The following TBC1D22A variants were observed in gnomAD, a reference collection of about 807,000 sequenced individuals.
TBC1D22A encodes the protein putative GTPase activator.
TBC1D22A carries 38 observed loss-of-function variants against 60.2 expected under a neutral mutation model. That is an observed-to-expected ratio of 0.63 (90% CI 0.49 to 0.83). The LOEUF (loss-of-function observed/expected upper bound fraction) is 0.83. Ranked by LOEUF, TBC1D22A falls within the 40% of genes least tolerant of loss-of-function variation. The pLI, the probability that TBC1D22A is intolerant of heterozygous loss-of-function variation, is 0.00. For missense variants in TBC1D22A, 628 were observed against 701.0 expected, an observed-to-expected ratio of 0.90 and a Z score of 1.18; for synonymous variants, 302 against 281.7, an observed-to-expected ratio of 1.07 and a Z score of -0.72.
intron 2 of TBC1D22A, 46 bp from the exon 3 acceptor site, chr22:46,793,455 T>C (rs1472974367): frequency 4.4e-6 from 7 of 1,597,486 alleles, no homozygotes; most frequent in South Asian, 1.1e-5. Flanking sequence ...TGGTTTTGGG[T>C]GAAGCCTTCG....
chr22:46,848,967 C>T (rs957014279), intron 4 of TBC1D22A, among the ~76,000 whole-genome samples: 2 of 151,994 alleles, frequency 1.3e-5, no homozygotes, highest in African/African-American at 4.8e-5. Context: ...TGCACCCTCT[C>T]CTCCCTGTCC....
At chr22:47,119,025 T>C (rs2066175120) in intron 12 of TBC1D22A, among the ~76,000 whole-genome samples, 1 of 152,134 alleles carries the variant, frequency 6.6e-6, no homozygotes, top group Non-Finnish European at 1.5e-5. Flanking sequence ...GGCGCATGCC[T>C]GTAATCCCAG....
intron 4 of TBC1D22A, among the ~76,000 whole-genome samples, chr22:46,873,828 C>G (rs573824284): frequency 1.0e-3 from 156 of 151,182 alleles, no homozygotes; most frequent in Non-Finnish European, 1.6e-3. Context: ...GAGTCTCGCT[C>G]TGTCACCAAG....
rs542838378 is a variant in TBC1D22A at position 47,009,836 on chromosome 22, C to T, written c.1201+12127C>T. On this transcript the variant is annotated intron_variant, in intron 10 of 12. Coordinates refer to ENST00000337137, the MANE Select transcript of TBC1D22A (RefSeq NM_014346.5). This position sits in a 1 kb window ranked among gnomAD's most constrained non-coding sequence, Gnocchi z 5.8. ...GGCCTCTGCTTCTCCCACGTTGGAC[C>T]TTGTTGAGCTGCCAAGGGCCCTGTC... 3.0e-4 allele frequency among the ~76,000 whole-genome samples: 46 copies of T among 152,352 alleles called. 1 individual carries two copies. The highest frequency in any genetic ancestry group is 1.1e-3 in the African/African-American group (45 of 41,580).
chr22:47,020,403 T>C (rs6009104), intron 10 of TBC1D22A, among the ~76,000 whole-genome samples: 62,470 of 151,826 alleles, frequency 0.41, 14,788 homozygotes, highest in African/African-American at 0.66. Context: ...TAGACTTGGG[T>C]TGCATCAGCA....
At chr22:47,061,742 G>A (rs112556527) in intron 11 of TBC1D22A, among the ~76,000 whole-genome samples, 25 of 152,172 alleles carry the variant, frequency 1.6e-4, no homozygotes, top group African/African-American at 5.5e-4. Context: ...GTTTGTCATC[G>A]TAAAGGATTC....
At chr22:47,173,134 A>G (rs1336785390) in intron 12 of TBC1D22A, among the ~76,000 whole-genome samples, 1 of 152,220 alleles carries the variant, frequency 6.6e-6, no homozygotes, top group East Asian at 1.9e-4. Flanking sequence ...ATTCAGTTAA[A>G]TGAAGCTCTG....
rs1342423574 is a variant in TBC1D22A at position 47,028,441 on chromosome 22, T to C, written c.1202-8630T>C. Among the ~76,000 whole-genome samples the C allele has an allele frequency of 1.6e-5, 2 of 128,346 alleles. No individual in the cohort carries two copies. Among genetic ancestry groups the C allele is most frequent in the Admixed American group, 1.5e-4 (2 of 13,530 alleles). The allele number at this position is 128,346 out of a possible 152,430, so 84.2% of individuals were successfully genotyped here. The stretch of plus-strand genomic sequence containing the variant: ...TTCTGAGAGCGAGTGGTCGCATTCC[T>C]GTCCCTCGGTCCCTGTCCCCCACGG... On this transcript the variant is annotated intron_variant, in intron 10 of 12. Transcript: ENST00000337137. The surrounding 1 kb of genome is among the most constrained non-coding windows in gnomAD (Gnocchi z 4.4).
chr22:47,154,691 G>T (rs1204178764), intron 12 of TBC1D22A, among the ~76,000 whole-genome samples: 1 of 152,226 alleles, frequency 6.6e-6, no homozygotes, highest in Admixed American at 6.5e-5. Flanking sequence ...CGGCAGCTCT[G>T]TTAGGCAGGG....
At chr22:46,803,149 G>C (rs1461104598) in intron 4 of TBC1D22A, among the ~76,000 whole-genome samples, 1 of 151,894 alleles carries the variant, frequency 6.6e-6, no homozygotes, top group Non-Finnish European at 1.5e-5. Context: ...TGTGTTATCA[G>C]CCACCAAAAG....
chr22:47,076,493 A>G (rs1309960900), intron 11 of TBC1D22A, among the ~76,000 whole-genome samples: 1 of 151,630 alleles, frequency 6.6e-6, no homozygotes, highest in East Asian at 1.9e-4. Context: ...AATCCCCTGC[A>G]TTTGGACATT....
At chr22:46,920,185 T>C (rs561064440) in intron 8 of TBC1D22A, among the ~76,000 whole-genome samples, 1 of 152,298 alleles carries the variant, frequency 6.6e-6, no homozygotes, top group South Asian at 2.1e-4. Flanking sequence ...GCTTAAGTGA[T>C]GCTCCTACCT....
At chr22:47,027,327 A>T (rs1343126460) in intron 10 of TBC1D22A, among the ~76,000 whole-genome samples, 1 of 152,148 alleles carries the variant, frequency 6.6e-6, no homozygotes, top group Non-Finnish European at 1.5e-5. Flanking sequence ...ATTTATTTTT[A>T]TTTATTTAAC....
intron 8 of TBC1D22A, among the ~76,000 whole-genome samples, chr22:46,961,762 A>T (rs1473053608): frequency 1.3e-5 from 2 of 152,078 alleles, no homozygotes; most frequent in Admixed American, 1.3e-4. Context: ...TTTGAAAGGG[A>T]CCCCAAGAGC....
intron 9 of TBC1D22A, among the ~76,000 whole-genome samples, chr22:46,995,427 G>C (rs2075086945): frequency 6.6e-6 from 1 of 152,164 alleles, no homozygotes; most frequent in African/African-American, 2.4e-5. Flanking sequence ...GGCCTCGTAG[G>C]CATTTTTTGT....
At chr22:47,133,951 T>C (rs2066770584) in intron 12 of TBC1D22A, among the ~76,000 whole-genome samples, 1 of 152,100 alleles carries the variant, frequency 6.6e-6, no homozygotes, top group South Asian at 2.1e-4. Context: ...AAGGTTGGCA[T>C]TTCAACCTCA....
At chr22:46,909,380 C>G (rs971624646) in intron 7 of TBC1D22A, among the ~76,000 whole-genome samples, 3 of 152,040 alleles carry the variant, frequency 2.0e-5, no homozygotes, top group Non-Finnish European at 2.9e-5. Flanking sequence ...CGGTGCCTGC[C>G]TTGACTCCCT....
At chr22:46,981,564 T>C (rs1390691929) in intron 9 of TBC1D22A, among the ~76,000 whole-genome samples, 1 of 152,212 alleles carries the variant, frequency 6.6e-6, no homozygotes, top group East Asian at 1.9e-4. Flanking sequence ...CTCTTGATAG[T>C]GAGTGAGTTC....
Position 46,947,006 on chromosome 22 carries a change from C to G in TBC1D22A, c.1016-27284C>G, listed in dbSNP as rs564835917. Among the ~76,000 whole-genome samples the G allele has an allele frequency of 3.3e-5, 5 of 152,264 alleles. No individual in the cohort carries two copies. In the East Asian group the frequency reaches 7.7e-4, roughly 24 times the overall value. On this transcript the variant is annotated intron_variant, in intron 8 of 12. Transcript: ENST00000337137. ...CCTGAATATTGAGCCGTGGCCTTCT[C>G]CAGGAGGAGCAAGTCTTCATCATAG...
Sources: gnomAD v4.1 joint callset for allele counts (sites outside exome capture counted in the v4.1 genomes callset) on GRCh38, gnomAD v4.1.1 for gene constraint, Gnocchi (gnomAD v3.1) non-coding constraint, MANE v1.5 for transcripts, NCBI Gene and HGNC (gene_info 2026-07-23, HGNC 2026-07-21) for gene names.